The following ADAMTS20 variants were observed in gnomAD, a reference collection of about 807,000 sequenced individuals.
The protein encoded by ADAMTS20 is A disintegrin and metalloproteinase with thrombospondin motifs 20.
Under a neutral mutation model 260.1 loss-of-function variants are expected in ADAMTS20, and 225 were observed. The observed-to-expected ratio is 0.87, with a 90% CI of 0.78 to 0.97. The LOEUF is 0.97. ADAMTS20 is among the 50% of genes least tolerant of loss of function. The probability of loss-of-function intolerance (pLI) is 0.00; values close to 1 mark genes in which losing one functional copy is unlikely to be tolerated. For missense variants in ADAMTS20, 2,400 were observed against 2,337.7 expected (o/e 1.03, Z -0.55); for synonymous variants, 802 against 769.5 (o/e 1.04, Z -0.70).
At chr12:43,464,245 A>C (rs1942113895) in intron 10 of ADAMTS20, among the ~76,000 whole-genome samples, 1 of 152,102 alleles carries the variant, frequency 6.6e-6, no homozygotes, top group Non-Finnish European at 1.5e-5. Context: ...ATTCAGATTC[A>C]ACACACCTAT....
In ADAMTS20 at chr12:43,551,158, G is replaced by T. The variant is rs957307979; in HGVS notation, c.204C>A (p.Ser68=). ...SHHFSRQKRS[S]EALEPMPFRT... ...GGAACGGCATGGGTTCCAGCGCCTC[G>T]GAGCTGCGTTTCTGCCGGCTGAAGT... Residue 68 remains serine, a synonymous_variant, in exon 2 of 39, where the codon TCC becomes TCA. Transcript: ENST00000389420. This position sits in a 1 kb window ranked among gnomAD's most constrained non-coding sequence, Gnocchi z 4.6. 1 of 1,613,912 alleles carries T rather than the reference G, an allele frequency of 6.2e-7. No individual in the cohort carries two copies. Among genetic ancestry groups the T allele is most frequent in the Non-Finnish European group, 8.5e-7 (1 of 1,179,860 alleles).
chr12:43,475,641 C>T (rs1165505342), intron 7 of ADAMTS20, among the ~76,000 whole-genome samples: 3 of 151,684 alleles, frequency 2.0e-5, no homozygotes, highest in Non-Finnish European at 4.4e-5. Flanking sequence ...GGTACCAAAA[C>T]AGAGATATAG....
At chr12:43,494,816 T>G (rs1397970731) in intron 4 of ADAMTS20, among the ~76,000 whole-genome samples, 2 of 152,208 alleles carry the variant, frequency 1.3e-5, no homozygotes, top group Non-Finnish European at 2.9e-5. Context: ...GTAATTATGA[T>G]TTTGGAGTTA....
At chr12:43,472,869 C>A (rs1942289123) in intron 7 of ADAMTS20, among the ~76,000 whole-genome samples, 1 of 148,298 alleles carries the variant, frequency 6.7e-6, no homozygotes, top group Non-Finnish European at 1.5e-5. Context: ...CCGGTACCAG[C>A]CACTGCAAAA....
intron 3 of ADAMTS20, among the ~76,000 whole-genome samples, chr12:43,522,284 A>G (rs1177366521): frequency 6.6e-6 from 1 of 152,204 alleles, no homozygotes; most frequent in African/African-American, 2.4e-5. Flanking sequence ...ACTCATTATC[A>G]TGAGAACAGC....
chr12:43,507,738 C>A (rs1942866242), intron 3 of ADAMTS20, among the ~76,000 whole-genome samples: 1 of 152,080 alleles, frequency 6.6e-6, no homozygotes, highest in Admixed American at 6.6e-5. Flanking sequence ...TATTCATAAT[C>A]CTAAATGCCC....
intron 28 of ADAMTS20, among the ~76,000 whole-genome samples, chr12:43,409,056 G>GT (rs1268843080): frequency 6.6e-6 from 1 of 152,032 alleles, no homozygotes; most frequent in Non-Finnish European, 1.5e-5. Context: ...TCCTGAGTGT[G>GT]TTTTTATCAA....
chr12:43,354,980 G>A (rs1016441797), intron 38 of ADAMTS20, among the ~76,000 whole-genome samples: 16 of 152,164 alleles, frequency 1.1e-4, no homozygotes, highest in Non-Finnish European at 2.1e-4. Context: ...GACGCCTCAC[G>A]TCTTTAGGTC....
rs1268010779 is a variant in ADAMTS20 at position 43,463,009 on chromosome 12, A to T, written c.1510-10T>A. The T allele has an allele frequency of 4.4e-6, 7 of 1,584,788 alleles. No homozygotes were observed. Among genetic ancestry groups the T allele is most frequent in the Non-Finnish European group, 5.2e-6 (6 of 1,163,296 alleles). On this transcript the variant is annotated splice_polypyrimidine_tract_variant and intron_variant, in intron 10 of 38. Coordinates refer to ENST00000389420, the MANE Select transcript of ADAMTS20 (RefSeq NM_025003.5). The stretch of plus-strand genomic sequence containing the variant: ...GATGCATGCATATATTCTCCTGAGT[A>T]ACAAAAGGCAGGCAAGCCAGTGTAA...
At chr12:43,454,170 T>G in intron 11 of ADAMTS20, 118 bp from the exon 12 acceptor site, 4 of 1,117,818 alleles carry the variant, frequency 3.6e-6, no homozygotes, top group Non-Finnish European at 4.9e-6. Context: ...TGAAGCTAGC[T>G]GTTATTAATT....
intron 38 of ADAMTS20, among the ~76,000 whole-genome samples, chr12:43,355,406 G>T (rs1356828908): frequency 2.0e-5 from 3 of 152,164 alleles, no homozygotes; most frequent in African/African-American, 7.2e-5. Context: ...CAACATTTTT[G>T]ATTGAGATAG....
intron 31 of ADAMTS20, among the ~76,000 whole-genome samples, chr12:43,377,845 T>C (rs1940264846): frequency 6.6e-6 from 1 of 152,114 alleles, no homozygotes; most frequent in Admixed American, 6.5e-5. Context: ...ATCTTAATTG[T>C]ATGAAACTAT....
chr12:43,547,509 G>A (rs117736988), intron 2 of ADAMTS20, among the ~76,000 whole-genome samples: 2,642 of 152,198 alleles, frequency 0.017, 41 homozygotes, highest in Admixed American at 0.04. Context: ...GACTATGTGG[G>A]ACTCAAGGAA....
chr12:43,354,740 T>C (rs1279179098), intron 38 of ADAMTS20, among the ~76,000 whole-genome samples: 1 of 152,212 alleles, frequency 6.6e-6, no homozygotes, highest in East Asian at 1.9e-4. Context: ...AGGCATATAA[T>C]TCATTTTCTA....
intron 3 of ADAMTS20, among the ~76,000 whole-genome samples, chr12:43,507,193 C>T (rs546047608): frequency 6.6e-6 from 1 of 152,108 alleles, no homozygotes; most frequent in Non-Finnish European, 1.5e-5. Context: ...ATACATATAT[C>T]AATCATCATG....
rs768096117 is a variant in ADAMTS20, at chr12:43,439,622, C to T, written c.2593G>A (p.Gly865Ser). 5 of 1,603,200 alleles carry T rather than the reference C, an allele frequency of 3.1e-6. No homozygotes were observed. The highest frequency in any genetic ancestry group is 3.5e-5 in the Admixed American group (2 of 57,150). The change falls in exon 18 of 39, where the codon GGT (glycine) becomes AGT (serine). Residue 865 changes from glycine to serine, a missense_variant and splice_region_variant. By Grantham distance (56) the Gly-to-Ser change is moderately conservative. Transcript: ENST00000389420. Reference protein sequence around the residue: ...PWEGCTKMCQGLQRRNITCIH... With the variant: ...PWEGCTKMCQSLQRRNITCIH... Reference sequence around the variant, plus strand: ...TCTCCCTTATTGAATGCCAGCGTACCTTGACACATTTTGGTACAGCCTTCC... The same window carrying T: ...TCTCCCTTATTGAATGCCAGCGTACTTTGACACATTTTGGTACAGCCTTCC...
chr12:43,379,390 TG>T, intron 31 of ADAMTS20, among the ~76,000 whole-genome samples: 1 of 152,262 alleles, frequency 6.6e-6, no homozygotes, highest in East Asian at 1.9e-4. Context: ...TAGATGGCCG[TG>T]AACATGCATC....
Position 43,431,905 on chromosome 12 carries a change from C to T in ADAMTS20, c.3096+399G>A, listed in dbSNP as rs188765469. 1.8e-3 allele frequency among the ~76,000 whole-genome samples: 271 copies of T among 151,828 alleles called. 2 individuals are homozygous for T. Among genetic ancestry groups the T allele is most frequent in the Non-Finnish European group, 2.8e-3 (189 of 67,962 alleles). On this transcript the variant is annotated intron_variant, in intron 21 of 38. Coordinates refer to ENST00000389420, the MANE Select transcript of ADAMTS20 (RefSeq NM_025003.5). Reference sequence around the variant, plus strand: ...TTGAGACAGATTCTCACTCTGTCACCCATGCTGGAGTGCAGTGGCCAATCT... The same window carrying T: ...TTGAGACAGATTCTCACTCTGTCACTCATGCTGGAGTGCAGTGGCCAATCT...
At chr12:43,358,403 T>G (rs1234508046) in intron 37 of ADAMTS20, among the ~76,000 whole-genome samples, 1 of 152,128 alleles carries the variant, frequency 6.6e-6, no homozygotes, top group Non-Finnish European at 1.5e-5. Context: ...TATCTAAAAT[T>G]TGGTATGATG....
Sources: gnomAD v4.1 joint callset for allele counts (sites outside exome capture counted in the v4.1 genomes callset) on GRCh38, gnomAD v4.1.1 for gene constraint, Gnocchi (gnomAD v3.1) non-coding constraint, MANE v1.5 for transcripts, NCBI Gene and HGNC (gene_info 2026-07-23, HGNC 2026-07-21) for gene names.